The following WDR70 variants were observed in gnomAD, a reference collection of about 807,000 sequenced individuals.
WDR70 encodes the protein WD repeat-containing protein 70.
Under a neutral mutation model 88.6 loss-of-function variants are expected in WDR70, and 53 were observed. The observed-to-expected ratio is 0.60, with a 90% CI of 0.48 to 0.75. The LOEUF (loss-of-function observed/expected upper bound fraction) is 0.75, where lower values mean the gene tolerates loss of function less well. WDR70 is among the 30% of genes least tolerant of loss of function. The pLI is 0.00. For synonymous variants in WDR70, 280 were observed against 270.0 expected (o/e 1.04, Z -0.36); for missense variants, 610 against 823.2 (o/e 0.74, Z 3.17).
intron 9 of WDR70, among the ~76,000 whole-genome samples, chr5:37,601,964 C>A (rs1306594614): frequency 1.3e-5 from 2 of 150,294 alleles, no homozygotes; most frequent in Non-Finnish European, 2.9e-5. Flanking sequence ...CAAAGTAACA[C>A]AGGAACAGAA....
rs112430437 is a variant in WDR70, at chr5:37,673,995, C to T, written c.1093-23660C>T. 3.5e-3 allele frequency among the ~76,000 whole-genome samples: 531 copies of T among 152,214 alleles called. 7 individuals are homozygous for T. Among genetic ancestry groups the T allele is most frequent in the African/African-American group, 0.012 (501 of 41,542 alleles). ...AGTATTCCATGGTGTGTATGTACCA[C>T]GTTTTCTTTATCCAGTCTATCATTG... On this transcript the variant is annotated intron_variant, in intron 10 of 17. Transcript: ENST00000265107.
chr5:37,654,977 G>A (rs992651497), intron 10 of WDR70, among the ~76,000 whole-genome samples: 18 of 152,176 alleles, frequency 1.2e-4, no homozygotes, highest in Admixed American at 1.1e-3. Flanking sequence ...GTGTGAATTT[G>A]ATCCTGTCAT....
chr5:37,516,945 C>T (rs1167926038), intron 9 of WDR70, among the ~76,000 whole-genome samples: 2 of 151,974 alleles, frequency 1.3e-5, no homozygotes, highest in African/African-American at 4.8e-5. Flanking sequence ...TGGTCTCAAA[C>T]TCCTGACCTC....
intron 8 of WDR70, among the ~76,000 whole-genome samples, chr5:37,504,776 C>G (rs1465648609): frequency 6.6e-6 from 1 of 152,146 alleles, no homozygotes; most frequent in Non-Finnish European, 1.5e-5. Context: ...TGTCATTCTC[C>G]TAAAGGAGAC....
At chr5:37,411,688 C>T (rs1395320272) in intron 5 of WDR70, among the ~76,000 whole-genome samples, 5 of 151,964 alleles carry the variant, frequency 3.3e-5, no homozygotes, top group South Asian at 2.1e-4. Context: ...ATCATGCCAC[C>T]GTACTCCTGC....
intron 7 of WDR70, among the ~76,000 whole-genome samples, chr5:37,465,196 T>C (rs1739115996): frequency 1.3e-5 from 2 of 152,224 alleles, no homozygotes; most frequent in South Asian, 4.1e-4. Context: ...GCCACTTTTC[T>C]TTATTGTAAG....
At chr5:37,476,291 A>C (rs890228021) in intron 7 of WDR70, among the ~76,000 whole-genome samples, 9 of 152,228 alleles carry the variant, frequency 5.9e-5, no homozygotes, top group African/African-American at 2.2e-4. Flanking sequence ...CTTCCCAGTC[A>C]ATACAAAGAC....
chr5:37,505,779 AG>A, intron 8 of WDR70: 1 of 1,411,164 alleles, frequency 7.1e-7, no homozygotes, highest in Middle Eastern at 2.5e-4. Context: ...GGCTTCTTGA[AG>A]ATCACACCCA....
intron 5 of WDR70, among the ~76,000 whole-genome samples, chr5:37,407,731 G>A (rs1031285450): frequency 6.6e-6 from 1 of 151,082 alleles, no homozygotes; most frequent in Non-Finnish European, 1.5e-5. Context: ...GTCTTGCCAT[G>A]TTGCCTAGGC....
At chr5:37,735,292 A>T (rs1748269860) in intron 17 of WDR70, among the ~76,000 whole-genome samples, 1 of 152,134 alleles carries the variant, frequency 6.6e-6, no homozygotes, top group Non-Finnish European at 1.5e-5. Context: ...ATTTTTCTGC[A>T]TTAGAGATGA....
intron 10 of WDR70, among the ~76,000 whole-genome samples, chr5:37,660,789 T>C (rs1745681170): frequency 6.6e-6 from 1 of 152,102 alleles, no homozygotes; most frequent in South Asian, 2.1e-4. Flanking sequence ...GTCCCATATA[T>C]GTGACTACAG....
intron 17 of WDR70, among the ~76,000 whole-genome samples, chr5:37,741,484 G>C (rs1245504639): frequency 6.6e-6 from 1 of 152,104 alleles, no homozygotes; most frequent in African/African-American, 2.4e-5. Context: ...AATGGGAGTG[G>C]TGGGATATGG....
At chr5:37,744,018 G>A (rs936321231) in intron 17 of WDR70, among the ~76,000 whole-genome samples, 1 of 152,140 alleles carries the variant, frequency 6.6e-6, no homozygotes. Flanking sequence ...AATTCTACTG[G>A]CATCAGGTTG....
At chr5:37,423,554 T>C (rs1000788829) in intron 5 of WDR70, among the ~76,000 whole-genome samples, 3 of 147,912 alleles carry the variant, frequency 2.0e-5, no homozygotes, top group Non-Finnish European at 4.5e-5. Flanking sequence ...AAATGTTTGT[T>C]TTTTTTTGTC....
chr5:37,392,716 C>G (rs1748877068), intron 4 of WDR70, among the ~76,000 whole-genome samples: 2 of 152,108 alleles, frequency 1.3e-5, no homozygotes, highest in Admixed American at 1.3e-4. Context: ...TTGATCTGGG[C>G]TCACTGCAAC....
chr5:37,563,761 G>A (rs569305719), intron 9 of WDR70, among the ~76,000 whole-genome samples: 1 of 115,276 alleles, frequency 8.7e-6, no homozygotes, highest in South Asian at 3.4e-4. Flanking sequence ...TGCTCCTCAC[G>A]TCCCAGACGG....
chr5:37,506,280 G>T (rs1740558000), intron 8 of WDR70: 4 of 923,006 alleles, frequency 4.3e-6, no homozygotes, highest in Admixed American at 3.4e-5. Flanking sequence ...ATCCTCTGGT[G>T]ATTGAGAATT....
intron 7 of WDR70, among the ~76,000 whole-genome samples, chr5:37,448,097 T>A (rs1738558119): frequency 6.6e-6 from 1 of 152,228 alleles, no homozygotes; most frequent in Non-Finnish European, 1.5e-5. Context: ...TTGTTTCTGT[T>A]ATTGGTGATC....
At chr5:37,466,632 G>C (rs1213812271) in intron 7 of WDR70, among the ~76,000 whole-genome samples, 1 of 139,456 alleles carries the variant, frequency 7.2e-6, no homozygotes, top group African/African-American at 2.6e-5. Flanking sequence ...CGTGAACCTG[G>C]GAGGCAGAGT....
Sources: gnomAD v4.1 joint callset for allele counts (sites outside exome capture counted in the v4.1 genomes callset) on GRCh38, gnomAD v4.1.1 for gene constraint, MANE v1.5 for transcripts, NCBI Gene and HGNC (gene_info 2026-07-23, HGNC 2026-07-21) for gene names.